PTPRM: variants seen among roughly 807,000 people sequenced by gnomAD.
PTPRM encodes the protein receptor-type tyrosine-protein phosphatase mu.
PTPRM carries 47 observed loss-of-function variants against 186.7 expected under a neutral mutation model. The observed-to-expected ratio is 0.25, with a 90% confidence interval of 0.20 to 0.32. The LOEUF (loss-of-function observed/expected upper bound fraction) is 0.32. Among genes scored for constraint, PTPRM ranks in the 10% least tolerant of loss-of-function variants. The pLI, the probability that PTPRM is intolerant of heterozygous loss-of-function variation, is 1.00. For missense variants in PTPRM, 1,494 were observed against 1,865.0 expected (o/e 0.80, Z 3.66); for synonymous variants, 668 against 674.9 (o/e 0.99, Z 0.16).
chr18:7,773,399 T>C (rs2144954997), intron 1 of PTPRM, among the ~76,000 whole-genome samples: 1 of 152,282 alleles, frequency 6.6e-6, no homozygotes, highest in East Asian at 1.9e-4. Flanking sequence ...ATTTCTTTTT[T>C]CATTTTTTGG....
intron 2 of PTPRM, among the ~76,000 whole-genome samples, chr18:7,796,675 C>T (rs943015445): frequency 4.6e-5 from 7 of 152,212 alleles, no homozygotes; most frequent in Admixed American, 4.6e-4. Flanking sequence ...GTCCAAGCAG[C>T]TCTGGATGCT....
In PTPRM at chr18:7,972,385, G is replaced by A. The variant is rs1157768219; in HGVS notation, c.1132+16971G>A. Reference sequence around the variant, plus strand: ...TAGATGACGATTTAGTGGGTGCAGCGCACCAGCATGGCACATGTATACATA... The same window carrying A: ...TAGATGACGATTTAGTGGGTGCAGCACACCAGCATGGCACATGTATACATA... On this transcript the variant is annotated intron_variant, in intron 7 of 32. Coordinates refer to ENST00000580170, the MANE Select transcript of PTPRM (RefSeq NM_001105244.2). 6.6e-5 allele frequency among the ~76,000 whole-genome samples: 8 copies of A among 120,772 alleles called. No individual in the cohort carries two copies. The South Asian group carries it at 8.0e-4, about 12-fold the overall frequency. 79.2% of individuals were successfully genotyped at this position (120,772 alleles called of 152,430 possible). A position where few individuals can be genotyped will look rare whatever the true frequency, so the allele number is the denominator to read the frequency against.
chr18:8,400,901 G>A (rs911129381), intron 32 of PTPRM, among the ~76,000 whole-genome samples: 8 of 152,188 alleles, frequency 5.3e-5, no homozygotes, highest in African/African-American at 1.9e-4. Context: ...TGTTGGGGTG[G>A]TGAGTGCAGG....
chr18:8,045,991 C>T (rs981148215), intron 7 of PTPRM, among the ~76,000 whole-genome samples: 1 of 152,084 alleles, frequency 6.6e-6, no homozygotes, highest in Non-Finnish European at 1.5e-5. Flanking sequence ...AATTGTAATC[C>T]TTACGTGTCA....
chr18:7,716,168 G>A (rs1159858727), intron 1 of PTPRM, among the ~76,000 whole-genome samples: 1 of 152,000 alleles, frequency 6.6e-6, no homozygotes, highest in Non-Finnish European at 1.5e-5. Context: ...CAGATATATA[G>A]ACCAATGGAA....
chr18:8,386,581 C>A (rs1598548423), intron 30 of PTPRM, among the ~76,000 whole-genome samples: 1 of 152,148 alleles, frequency 6.6e-6, no homozygotes. Flanking sequence ...TTCTGCAATT[C>A]TATTTCACTA....
intron 1 of PTPRM, among the ~76,000 whole-genome samples, chr18:7,681,345 AGCATGACTAGAGAGTAGCCCACACTTT>A (rs1266381151): frequency 6.6e-6 from 1 of 152,190 alleles, no homozygotes; most frequent in East Asian, 1.9e-4. Flanking sequence ...GCCAAGATCA[AGCATGACTAGAGAGTAGCCCACACTTT>A]ATAGGACTTG....
chr18:8,380,533 C>T (rs1288273912), intron 29 of PTPRM, 106 bp downstream of exon 29: 2 of 1,348,972 alleles, frequency 1.5e-6, no homozygotes, highest in Non-Finnish European at 2.1e-6. Context: ...TGCCAGATCT[C>T]AAGTGCCAGT....
At chr18:7,636,630 T>G (rs1178415294) in intron 1 of PTPRM, among the ~76,000 whole-genome samples, 2 of 152,038 alleles carry the variant, frequency 1.3e-5, no homozygotes, top group Middle Eastern at 3.2e-3. Context: ...TGGCTGTCAG[T>G]ACAGGACAGA....
intron 7 of PTPRM, among the ~76,000 whole-genome samples, chr18:7,959,452 C>T (rs1023009741): frequency 6.6e-6 from 1 of 152,254 alleles, no homozygotes; most frequent in East Asian, 1.9e-4. Context: ...TTTGGTGACA[C>T]CCATGAAACT....
chr18:7,657,712 A>G (rs1274142364), intron 1 of PTPRM, among the ~76,000 whole-genome samples: 1 of 152,256 alleles, frequency 6.6e-6, no homozygotes, highest in Non-Finnish European at 1.5e-5. Context: ...CGAAATTTTC[A>G]TGAAGCATGG....
chr18:7,688,130 T>G (rs2039649350), intron 1 of PTPRM, among the ~76,000 whole-genome samples: 1 of 152,174 alleles, frequency 6.6e-6, no homozygotes, highest in African/African-American at 2.4e-5. Flanking sequence ...GGAGGCATAC[T>G]GAGCATATGG....
At chr18:7,594,643 AC>A (rs2037210914) in intron 1 of PTPRM, among the ~76,000 whole-genome samples, 1 of 152,180 alleles carries the variant, frequency 6.6e-6, no homozygotes, top group African/African-American at 2.4e-5. Context: ...TCAGAGAGAA[AC>A]CATTTTCCTT....
chr18:7,928,716 G>C (rs951792329), intron 5 of PTPRM, among the ~76,000 whole-genome samples: 1 of 152,140 alleles, frequency 6.6e-6, no homozygotes. Context: ...ACTATATTAA[G>C]TCTAAGCTCT....
At chr18:8,069,355 C>T (rs948801470) in intron 7 of PTPRM, among the ~76,000 whole-genome samples, 5 of 152,144 alleles carry the variant, frequency 3.3e-5, no homozygotes, top group African/African-American at 1.2e-4. Flanking sequence ...ACATCATATC[C>T]TCCATCCAGC....
At chr18:7,802,984 A>G (rs2145377586) in intron 2 of PTPRM, among the ~76,000 whole-genome samples, 1 of 152,316 alleles carries the variant, frequency 6.6e-6, no homozygotes, top group South Asian at 2.1e-4. Flanking sequence ...TTACGGAAGC[A>G]TGGAAGAGGG....
At chr18:7,656,481 G>A (rs1019571355) in intron 1 of PTPRM, among the ~76,000 whole-genome samples, 2 of 152,076 alleles carry the variant, frequency 1.3e-5, no homozygotes, top group Admixed American at 6.6e-5. Context: ...TCTGTTTTGC[G>A]GGGATGAAAA....
chr18:8,207,927 A>G (rs2093952128), intron 14 of PTPRM, among the ~76,000 whole-genome samples: 1 of 152,228 alleles, frequency 6.6e-6, no homozygotes. Context: ...GCTAGGAAAA[A>G]TGTTTGGCAG....
chr18:7,869,238 G>A (rs544331754), intron 2 of PTPRM, among the ~76,000 whole-genome samples: 1 of 152,112 alleles, frequency 6.6e-6, no homozygotes, highest in African/African-American at 2.4e-5. Flanking sequence ...AGGTGCCACT[G>A]GGGTATGAAA....
Sources: gnomAD v4.1 joint callset for allele counts (sites outside exome capture counted in the v4.1 genomes callset) on GRCh38, gnomAD v4.1.1 for gene constraint, MANE v1.5 for transcripts, NCBI Gene and HGNC (gene_info 2026-07-23, HGNC 2026-07-21) for gene names.